The following CSNK2A1 variants were observed in gnomAD, a reference collection of about 807,000 sequenced individuals.
The protein encoded by CSNK2A1 is casein kinase II subunit alpha.
In CSNK2A1, 10 loss-of-function variants were observed where a neutral mutation model predicts 62.9. That is an observed-to-expected ratio of 0.16 (90% CI 0.10 to 0.27). CSNK2A1 has a LOEUF of 0.27. Among genes scored for constraint, CSNK2A1 ranks in the 10% least tolerant of loss-of-function variants. The pLI is 1.00. For synonymous variants in CSNK2A1, 124 were observed against 167.8 expected, an observed-to-expected ratio of 0.74 and a Z score of 2.02; for missense variants, 160 against 492.0, an observed-to-expected ratio of 0.33 and a Z score of 6.38.
At chr20:490,336 T>TTTTC (rs2018195025) in intron 9 of CSNK2A1, among the ~76,000 whole-genome samples, 5 of 58,582 alleles carry the variant, frequency 8.5e-5, no homozygotes, top group African/African-American at 4.1e-4. Flanking sequence ...TAGTTTTTTC[T>TTTTC]TTTTTTTTTT....
chr20:519,620 C>T (rs1176931423), intron 2 of CSNK2A1, among the ~76,000 whole-genome samples: 1 of 152,108 alleles, frequency 6.6e-6, no homozygotes, highest in African/African-American at 2.4e-5. Flanking sequence ...AACATTAGAA[C>T]AGCTGATTTT....
chr20:479,775 C>T lies in CSNK2A1; in HGVS notation c.*4186G>A, dbSNP rs893254681. On this transcript the variant is annotated 3_prime_UTR_variant, in exon 14 of 14. Transcript: ENST00000217244. ...TTTACTTGGAGAATAGTCTGAATTT[C>T]GTATTACACGTTGAGCATTTCTAAT... 2 of 152,146 alleles carry T rather than the reference C, an allele frequency of 1.3e-5. No homozygotes were observed. Among genetic ancestry groups the T allele is most frequent in the Non-Finnish European group, 2.9e-5 (2 of 68,018 alleles). 9.4% of individuals were successfully genotyped at this position (152,146 alleles called of 1,614,324 possible).
In CSNK2A1 at chr20:499,958, CAA is replaced by C. The variant is rs199709718; in HGVS notation, c.214-26_214-25del. The C allele has an allele frequency of 0.067, 81,022 of 1,217,052 alleles. 32 individuals carry two copies. The highest frequency in any genetic ancestry group is 0.14 in the East Asian group (5,418 of 37,580). 75.4% of individuals were successfully genotyped at this position (1,217,052 alleles called of 1,614,324 possible). A position where few individuals can be genotyped will look rare whatever the true frequency, so the allele number is the denominator to read the frequency against. ...GGCTGAAAGGGGAAAAGTACATCAG[CAA>C]AAAAAAAAAAAAAAAATTTTTTCAG... is the stretch of plus-strand genomic sequence containing the variant. On this transcript the variant is annotated intron_variant, in intron 4 of 13. Coordinates refer to ENST00000217244, the MANE Select transcript of CSNK2A1 (RefSeq NM_177559.3). The surrounding 1 kb of genome is among the most constrained non-coding windows in gnomAD (Gnocchi z 4.2).
intron 8 of CSNK2A1, among the ~76,000 whole-genome samples, chr20:493,871 C>CT (rs35219510): frequency 6.6e-6 from 1 of 152,056 alleles, no homozygotes; most frequent in African/African-American, 2.4e-5. Flanking sequence ...TTGAGACTGC[C>CT]TTTTTTCACT....
At chr20:542,138 T>C (rs1425458405) in intron 1 of CSNK2A1, among the ~76,000 whole-genome samples, 1 of 152,246 alleles carries the variant, frequency 6.6e-6, no homozygotes, top group Non-Finnish European at 1.5e-5. Flanking sequence ...AGCTAGTCCC[T>C]TTACAGTGAC....
intron 3 of CSNK2A1, among the ~76,000 whole-genome samples, chr20:505,564 G>A (rs2018561719): frequency 6.6e-6 from 1 of 151,286 alleles, no homozygotes; most frequent in Non-Finnish European, 1.5e-5. Context: ...GGTCCTCACC[G>A]TGTTAACCAG....
chr20:503,799 A>AT, intron 4 of CSNK2A1: 1 of 397,724 alleles, frequency 2.5e-6, no homozygotes, highest in Non-Finnish European at 4.4e-6. Flanking sequence ...ACAGTAACAA[A>AT]TTATAGTTAT....
Position 486,639 on chromosome 20 carries a change from G to C in CSNK2A1, c.974-177C>G, listed in dbSNP as rs409994. The C allele has an allele frequency of 0.34, 190,388 of 566,092 alleles. 36,434 individuals carry two copies. The highest frequency in any genetic ancestry group is 0.73 in the East Asian group (24,518 of 33,370). The allele number at this position is 566,092 out of a possible 1,614,324, so 35.1% of individuals were successfully genotyped here. A position where few individuals can be genotyped will look rare whatever the true frequency, so the allele number is the denominator to read the frequency against. On this transcript the variant is annotated intron_variant, in intron 12 of 13. Coordinates refer to ENST00000217244, the MANE Select transcript of CSNK2A1 (RefSeq NM_177559.3). ...TGAATTAGACAAGTGGTAAAAAGCA[G>C]AAATAGCTTTCCTATCAAACTGTGG...
intron 2 of CSNK2A1, among the ~76,000 whole-genome samples, chr20:514,262 T>C (rs2018784122): frequency 6.6e-6 from 1 of 151,898 alleles, no homozygotes; most frequent in Admixed American, 6.6e-5. Context: ...AAGGATCACT[T>C]GAGCCTGGGA....
At chr20:503,594 AGATTGTGTTACACTCCTCGTGATG>A (rs1568523856) in intron 4 of CSNK2A1, 3 of 398,614 alleles carry the variant, frequency 7.5e-6, no homozygotes, top group Non-Finnish European at 1.3e-5. Flanking sequence ...TTTCAACATT[AGATTGTGTTACACTCCTCGTGATG>A]GATTGTGTTA....
intron 2 of CSNK2A1, among the ~76,000 whole-genome samples, chr20:526,465 T>C (rs1328690896): frequency 6.6e-6 from 1 of 150,914 alleles, no homozygotes; most frequent in East Asian, 1.9e-4. Flanking sequence ...TTTTTAATAA[T>C]AAAAACAATG....
intron 2 of CSNK2A1, among the ~76,000 whole-genome samples, chr20:512,507 A>G (rs1034218255): frequency 6.6e-6 from 1 of 152,194 alleles, no homozygotes; most frequent in Non-Finnish European, 1.5e-5. Context: ...AGAAGCCAGA[A>G]GAGATACCTC....
rs906212430 is a variant in CSNK2A1, at chr20:478,374, G to C, written c.*5587C>G. 4.7e-6 allele frequency: 1 copy of C among 212,168 alleles called. No homozygotes were observed. The highest frequency in any genetic ancestry group is 5.8e-5 in the Admixed American group (1 of 17,328). 13.1% of individuals were successfully genotyped at this position (212,168 alleles called of 1,614,324 possible). ...CAGAAGCAAGGTCCTCTCCTTCTAG[G>C]TATGGCTAGAAATGTTTATCAATAG... On this transcript the variant is annotated 3_prime_UTR_variant, in exon 14 of 14. Transcript: ENST00000217244.
chr20:533,552 G>A (rs2019255322), intron 1 of CSNK2A1, among the ~76,000 whole-genome samples: 2 of 152,156 alleles, frequency 1.3e-5, no homozygotes, highest in Non-Finnish European at 2.9e-5. Context: ...GCAATGAGCC[G>A]AGATCATGTC....
intron 7 of CSNK2A1, among the ~76,000 whole-genome samples, chr20:497,420 C>T (rs989669572): frequency 1.3e-5 from 2 of 151,642 alleles, no homozygotes; most frequent in African/African-American, 4.9e-5. Context: ...GTAGCTGGGA[C>T]TTACAGGTGC....
At chr20:488,562 C>T (rs2122509358) in intron 11 of CSNK2A1, 116 bp downstream of exon 11, 1 of 1,017,754 alleles carries the variant, frequency 9.8e-7, no homozygotes, top group Non-Finnish European at 1.5e-6. Context: ...GGCACTGGAC[C>T]ACTGACATCC....
rs921136285 is a variant in CSNK2A1, at chr20:499,569, C to T, written c.315+264G>A. ...CAATGCGCCCATCGCCCATCGGCAT[C>T]GGACCTGAGTTTGCAAAATGGATTA... On this transcript the variant is annotated intron_variant, in intron 5 of 13. Coordinates refer to ENST00000217244, the MANE Select transcript of CSNK2A1 (RefSeq NM_177559.3). The surrounding 1 kb of genome is among the most constrained non-coding windows in gnomAD (Gnocchi z 4.2). 13 of 553,464 alleles carry T rather than the reference C, an allele frequency of 2.3e-5. No individual in the cohort carries two copies. Among genetic ancestry groups the T allele is most frequent in the Non-Finnish European group, 4.1e-5 (13 of 316,562 alleles). The allele number at this position is 553,464 out of a possible 1,614,324, so 34.3% of individuals were successfully genotyped here.
chr20:535,224 C>G (rs1248848770), intron 1 of CSNK2A1, among the ~76,000 whole-genome samples: 1 of 151,702 alleles, frequency 6.6e-6, no homozygotes, highest in African/African-American at 2.4e-5. Context: ...ACAAAGAAAA[C>G]CCTAGCTCAA....
intron 2 of CSNK2A1, among the ~76,000 whole-genome samples, chr20:518,578 G>C (rs568910424): frequency 6.6e-6 from 1 of 151,740 alleles, no homozygotes; most frequent in Non-Finnish European, 1.5e-5. Flanking sequence ...ACAGAGTCTC[G>C]CTCTGTCACC....
Sources: gnomAD v4.1 joint callset for allele counts (sites outside exome capture counted in the v4.1 genomes callset) on GRCh38, gnomAD v4.1.1 for gene constraint, Gnocchi (gnomAD v3.1) non-coding constraint, MANE v1.5 for transcripts, NCBI Gene and HGNC (gene_info 2026-07-23, HGNC 2026-07-21) for gene names.